Variants in MSH4 observed in about 807,000 individuals in gnomAD.
The protein encoded by MSH4 is mutS homolog 4, also known as mutS protein homolog 4.
A neutral mutation model predicts 113.7 loss-of-function variants in MSH4; 106 were observed. The ratio of observed to expected loss-of-function variants is 0.93; its 90% confidence interval spans 0.80 to 1.10. MSH4 has a LOEUF of 1.10. MSH4 is among the 50% of genes least tolerant of loss of function. The pLI is 0.00. For missense variants in MSH4, 1,061 were observed against 1,093.7 expected (o/e 0.97, Z 0.42); for synonymous variants, 368 against 380.2 (o/e 0.97, Z 0.37).
chr1:75,904,864 T>C (rs1420545812), intron 19 of MSH4, among the ~76,000 whole-genome samples: 1 of 152,078 alleles, frequency 6.6e-6, no homozygotes, highest in Non-Finnish European at 1.5e-5. Flanking sequence ...TTCTTTTAAG[T>C]TTTCCAATTT....
At chr1:75,852,521 C>T (rs1651211507) in intron 8 of MSH4, among the ~76,000 whole-genome samples, 1 of 152,190 alleles carries the variant, frequency 6.6e-6, no homozygotes, top group African/African-American at 2.4e-5. Context: ...GTTCTGATTT[C>T]TCCACATCCT....
chr1:75,837,768 T>A (rs1028042207), intron 7 of MSH4, among the ~76,000 whole-genome samples: 19 of 152,186 alleles, frequency 1.2e-4, no homozygotes, highest in Non-Finnish European at 2.8e-4. Flanking sequence ...GCTAGATACA[T>A]GAAAGTCATT....
chr1:75,906,533 TAATATATATAATATATA>T lies in MSH4; in HGVS notation c.2620-6161_2620-6145del, dbSNP rs1557534441. Among the ~76,000 whole-genome samples, 9 of 76,422 alleles carry T rather than the reference TAATATATATAATATATA, an allele frequency of 1.2e-4. 2 individuals are homozygous for T. The highest frequency in any genetic ancestry group is 5.1e-4 in the African/African-American group (9 of 17,520). The allele number at this position is 76,422 out of a possible 152,430, so 50.1% of individuals were successfully genotyped here. ...ATATATAATATGTATATATTATATATAATATATATAATATATAATATATTATATATTATATAAATTTA... is the reference window on the plus strand; with the variant it reads ...ATATATAATATGTATATATTATATATATATATTATATATTATATAAATTTA... On this transcript the variant is annotated intron_variant, in intron 19 of 19. Coordinates refer to ENST00000263187, the MANE Select transcript of MSH4 (RefSeq NM_002440.4).
intron 13 of MSH4, 75 bp from the exon 14 acceptor site, chr1:75,881,171 A>T: frequency 8.7e-7 from 1 of 1,150,850 alleles, no homozygotes; most frequent in Non-Finnish European, 1.2e-6. Context: ...CAATGAATTT[A>T]ATATTATTTT....
intron 15 of MSH4, among the ~76,000 whole-genome samples, chr1:75,888,445 T>C (rs1652175267): frequency 6.6e-6 from 1 of 152,072 alleles, no homozygotes; most frequent in Non-Finnish European, 1.5e-5. Flanking sequence ...GAAACAGTCT[T>C]GTGGGTGAAA....
chr1:75,856,454 C>A (rs1212455709), intron 8 of MSH4, among the ~76,000 whole-genome samples: 1 of 152,122 alleles, frequency 6.6e-6, no homozygotes, highest in Non-Finnish European at 1.5e-5. Flanking sequence ...CCACCCCCGA[C>A]AGGCCCCGGT....
chr1:75,822,445 TA>T lies in MSH4; in HGVS notation c.1028del (p.Lys343ArgfsTer14). On this transcript the variant is annotated frameshift_variant, in exon 7 of 20. Transcript: ENST00000263187. LOFTEE classifies it high-confidence loss of function. ...HTLFGVLNYT[K>X]TPGGSRRLRS... ...CTCTCTTTGGTGTTCTAAATTATAC[TA>T]AGACTCCTGGAGGGAGTAGACGACT... 1 of 1,574,648 alleles carries T rather than the reference TA, an allele frequency of 6.4e-7. No homozygotes were observed. Among genetic ancestry groups the T allele is most frequent in the Non-Finnish European group, 8.6e-7 (1 of 1,165,156 alleles).
At chr1:75,875,286 A>G (rs1198268185) in intron 9 of MSH4, among the ~76,000 whole-genome samples, 2 of 152,242 alleles carry the variant, frequency 1.3e-5, no homozygotes, top group East Asian at 1.9e-4. Context: ...CAAGGTGATC[A>G]TGACAGTAAT....
Position 75,806,979 on chromosome 1 carries a change from A to G in MSH4, c.428-2A>G. On this transcript the variant is annotated splice_acceptor_variant, in intron 2 of 19. Transcript: ENST00000263187. LOFTEE classifies it high-confidence loss of function. ...ATCTTTTCTTTATTTAAAAATTTAC[A>G]GCTTCATCCTCATCTGCGATTTCTG... is the stretch of plus-strand genomic sequence containing the variant. 1 of 1,551,048 alleles carries G rather than the reference A, an allele frequency of 6.4e-7. No individual in the cohort carries two copies. Among genetic ancestry groups the G allele is most frequent in the East Asian group, 2.4e-5 (1 of 41,530 alleles).
At chr1:75,895,084 A>G (rs930771496) in intron 17 of MSH4, among the ~76,000 whole-genome samples, 1 of 152,004 alleles carries the variant, frequency 6.6e-6, no homozygotes, top group Non-Finnish European at 1.5e-5. Context: ...CAAAAGGAGT[A>G]TGCTTCCACC....
intron 7 of MSH4, among the ~76,000 whole-genome samples, chr1:75,838,294 C>A (rs531796308): frequency 3.9e-5 from 6 of 152,282 alleles, no homozygotes; most frequent in African/African-American, 1.4e-4. Context: ...TTCCCTTCCT[C>A]TGACTTCTGC....
At chr1:75,804,557 C>A (rs1224126330) in intron 2 of MSH4, among the ~76,000 whole-genome samples, 2 of 143,524 alleles carry the variant, frequency 1.4e-5, no homozygotes, top group East Asian at 2.0e-4. Context: ...GTCGCCCAGG[C>A]TGGAATGCAG....
chr1:75,864,847 T>C (rs865794330), intron 8 of MSH4, among the ~76,000 whole-genome samples: 1 of 152,172 alleles, frequency 6.6e-6, no homozygotes, highest in Non-Finnish European at 1.5e-5. Flanking sequence ...TGGTATTCAC[T>C]TTTGTGCAGG....
At chr1:75,820,612 T>A (rs1650388722) in intron 6 of MSH4, among the ~76,000 whole-genome samples, 1 of 152,168 alleles carries the variant, frequency 6.6e-6, no homozygotes, top group Admixed American at 6.5e-5. Flanking sequence ...TGCATAGAGG[T>A]GTTTATAGTA....
chr1:75,818,080 AC>A (rs1443242261), intron 6 of MSH4, among the ~76,000 whole-genome samples: 3 of 152,160 alleles, frequency 2.0e-5, no homozygotes, highest in Non-Finnish European at 4.4e-5. Context: ...AGCATAGACT[AC>A]TATAATAGCC....
chr1:75,896,569 A>G (rs1029832419), intron 17 of MSH4, among the ~76,000 whole-genome samples: 6 of 151,922 alleles, frequency 3.9e-5, no homozygotes, highest in Admixed American at 3.3e-4. Context: ...TCTGTTTCCA[A>G]AGTATTCTAC....
intron 19 of MSH4, among the ~76,000 whole-genome samples, chr1:75,899,935 A>G (rs1570998450): frequency 6.6e-6 from 1 of 151,848 alleles, no homozygotes; most frequent in East Asian, 1.9e-4. Context: ...GGAGATAAAA[A>G]TTAAACAGTT....
At chr1:75,861,435 C>T (rs935290435) in intron 8 of MSH4, among the ~76,000 whole-genome samples, 8 of 152,244 alleles carry the variant, frequency 5.3e-5, no homozygotes, top group Middle Eastern at 3.4e-3. Flanking sequence ...TGGTAACCTA[C>T]GGATGGGGTT....
At chr1:75,860,563 C>A (rs948471094) in intron 8 of MSH4, among the ~76,000 whole-genome samples, 3 of 152,174 alleles carry the variant, frequency 2.0e-5, no homozygotes, top group Non-Finnish European at 4.4e-5. Context: ...GTTGAAAATT[C>A]TTTTCTTTAA....
Sources: allele counts gnomAD v4.1 joint callset (sites outside exome capture counted in the v4.1 genomes callset), GRCh38; gene constraint gnomAD v4.1.1; transcripts MANE v1.5; gene names NCBI Gene and HGNC (gene_info 2026-07-23, HGNC 2026-07-21).